Variants in MEGF11 observed in about 807,000 individuals in gnomAD.
MEGF11 encodes the protein multiple EGF like domains 11, also known as multiple epidermal growth factor-like domains protein 11.
A neutral mutation model predicts 146.6 loss-of-function variants in MEGF11; 126 were observed. The observed-to-expected ratio is 0.86, with a 90% CI of 0.74 to 1.00. The LOEUF (loss-of-function observed/expected upper bound fraction) is 1.00, where lower values mean the gene tolerates loss of function less well. Among genes scored for constraint, MEGF11 ranks in the 50% least tolerant of loss-of-function variants. The pLI is 0.00. For missense variants in MEGF11, 1,509 were observed against 1,521.2 expected, an observed-to-expected ratio of 0.99 and a Z score of 0.13; for synonymous variants, 532 against 583.4, an observed-to-expected ratio of 0.91 and a Z score of 1.27.
chr15:65,901,425 A>G (rs2141137162), intron 24 of MEGF11, among the ~76,000 whole-genome samples: 1 of 152,300 alleles, frequency 6.6e-6, no homozygotes, highest in East Asian at 1.9e-4. Context: ...AGGGCTGTGC[A>G]GAAAGGACTA....
chr15:66,124,130 C>T (rs917556389), intron 2 of MEGF11, 130 bp from the exon 3 acceptor site: 2 of 701,228 alleles, frequency 2.9e-6, no homozygotes, highest in Non-Finnish European at 5.0e-6. Flanking sequence ...TCTGACCTCC[C>T]CCCTCCCAAC....
At chr15:66,092,946 G>A (rs1038573540) in intron 5 of MEGF11, among the ~76,000 whole-genome samples, 2 of 152,206 alleles carry the variant, frequency 1.3e-5, no homozygotes, top group Admixed American at 6.5e-5. Flanking sequence ...AGATAAGGGC[G>A]GGGGAAGCCC....
intron 9 of MEGF11, 108 bp from the exon 10 acceptor site, chr15:65,957,829 G>T: frequency 2.0e-6 from 2 of 1,007,214 alleles, no homozygotes; most frequent in Non-Finnish European, 1.5e-6. Context: ...AGGATCAAAG[G>T]ACCTCTGGGA....
chr15:65,912,231 C>G (rs2078834486), intron 20 of MEGF11, 31 bp from the exon 21 acceptor site: 1 of 1,192,946 alleles, frequency 8.4e-7, no homozygotes, highest in Non-Finnish European at 1.0e-6. Flanking sequence ...CACATACCAT[C>G]ATACCCCTGC....
At chr15:66,207,343 A>AT (rs1291917267) in intron 1 of MEGF11, among the ~76,000 whole-genome samples, 6 of 152,392 alleles carry the variant, frequency 3.9e-5, no homozygotes, top group African/African-American at 1.4e-4. Flanking sequence ...AAACTCAATG[A>AT]GATTATCAGC....
chr15:66,155,021 C>G (rs2089705229), intron 1 of MEGF11, among the ~76,000 whole-genome samples: 1 of 152,212 alleles, frequency 6.6e-6, no homozygotes, highest in African/African-American at 2.4e-5. Flanking sequence ...ATCACAGAGT[C>G]AGGATGTCAG....
chr15:66,082,342 C>T (rs1380300982), intron 5 of MEGF11, among the ~76,000 whole-genome samples: 3 of 133,466 alleles, frequency 2.2e-5, no homozygotes, highest in Non-Finnish European at 4.6e-5. Context: ...AATTGCAACA[C>T]TTGGGAGGCC....
chr15:65,930,693 T>C (rs1311199864), intron 11 of MEGF11, 130 bp downstream of exon 11: 1 of 1,190,364 alleles, frequency 8.4e-7, no homozygotes, highest in Non-Finnish European at 1.1e-6. Flanking sequence ...ACCCAACCAA[T>C]ATAGGCTCCC....
At chr15:66,147,709 G>A (rs1193918991) in intron 1 of MEGF11, among the ~76,000 whole-genome samples, 1 of 152,242 alleles carries the variant, frequency 6.6e-6, no homozygotes, top group Non-Finnish European at 1.5e-5. Context: ...AGAGTTTGAG[G>A]AAGCAGGTGG....
chr15:66,240,481 C>T (rs527426908), intron 1 of MEGF11, among the ~76,000 whole-genome samples: 35 of 152,288 alleles, frequency 2.3e-4, no homozygotes, highest in Non-Finnish European at 2.4e-4. Context: ...TTATACGAAG[C>T]GATAAAGACC....
chr15:66,149,399 A>G (rs1448282635), intron 1 of MEGF11, among the ~76,000 whole-genome samples: 3 of 152,216 alleles, frequency 2.0e-5, no homozygotes, highest in Non-Finnish European at 4.4e-5. Context: ...AACAGAACCT[A>G]CTTCAAGGGG....
intron 5 of MEGF11, among the ~76,000 whole-genome samples, chr15:66,021,009 A>G (rs2083099548): frequency 7.3e-4 from 1 of 1,376 alleles, no homozygotes; most frequent in African/African-American, 1.2e-3. Context: ...AAAAAAAAAA[A>G]AAAAAAAAAA....
chr15:66,181,789 G>C (rs1381581114), intron 1 of MEGF11, among the ~76,000 whole-genome samples: 1 of 152,144 alleles, frequency 6.6e-6, no homozygotes, highest in Non-Finnish European at 1.5e-5. Flanking sequence ...CTGTGTCTCT[G>C]CCGCTTATCA....
At chr15:65,898,656 G>A in intron 25 of MEGF11, 72 bp downstream of exon 25, 2 of 1,593,122 alleles carry the variant, frequency 1.3e-6, no homozygotes, top group Non-Finnish European at 1.7e-6. Context: ...GGTGAGTGGA[G>A]AGGGCTTGCT....
intron 1 of MEGF11, among the ~76,000 whole-genome samples, chr15:66,159,841 G>T (rs1355070261): frequency 6.6e-6 from 1 of 152,038 alleles, no homozygotes; most frequent in Non-Finnish European, 1.5e-5. Flanking sequence ...AATTGAGGGA[G>T]ACCAGTGAGG....
At chr15:66,119,695 C>T (rs1434127781) in intron 3 of MEGF11, among the ~76,000 whole-genome samples, 1 of 152,022 alleles carries the variant, frequency 6.6e-6, no homozygotes, top group African/African-American at 2.4e-5. Context: ...AACTCAGTCC[C>T]GGAGAGTAGA....
intron 1 of MEGF11, among the ~76,000 whole-genome samples, chr15:66,253,124 T>C (rs1016754312): frequency 6.6e-6 from 1 of 152,214 alleles, no homozygotes; most frequent in Non-Finnish European, 1.5e-5. Flanking sequence ...GAAAACCTGC[T>C]GCGTCCCCGC....
intron 9 of MEGF11, 121 bp downstream of exon 9, chr15:65,964,787 G>T: frequency 1.0e-6 from 1 of 954,082 alleles, no homozygotes. Context: ...TGAGGTCCTA[G>T]CCCTTTCCCC....
chr15:66,226,825 G>A (rs1023584413), intron 1 of MEGF11, among the ~76,000 whole-genome samples: 12 of 151,924 alleles, frequency 7.9e-5, no homozygotes, highest in Non-Finnish European at 1.6e-4. Flanking sequence ...AAACACACGT[G>A]TGTTCACACA....
Sources: gnomAD v4.1 joint callset for allele counts (sites outside exome capture counted in the v4.1 genomes callset) on GRCh38, gnomAD v4.1.1 for gene constraint, MANE v1.5 for transcripts, NCBI Gene and HGNC (gene_info 2026-07-23, HGNC 2026-07-21) for gene names.